The following QTMAN variants were observed in gnomAD, a reference collection of about 807,000 sequenced individuals.
QTMAN encodes tRNA-queuosine alpha-mannosyltransferase.
the QTMAN span, among the ~76,000 whole-genome samples, chr2:144,262,615 T>TGGG: frequency 8.7e-5 from 2 of 23,096 alleles, no homozygotes; most frequent in African/African-American, 1.7e-4. Context: ...GGAGGGGAGA[T>TGGG]AGGAGAGGAA....
chr2:144,099,394 G>A, the QTMAN span, among the ~76,000 whole-genome samples: 3 of 152,198 alleles, frequency 2.0e-5, no homozygotes, highest in Non-Finnish European at 4.4e-5. Context: ...TAGGAAGAGA[G>A]TTGGAAAACA....
the QTMAN span, among the ~76,000 whole-genome samples, chr2:144,151,312 G>A: frequency 6.6e-6 from 1 of 151,874 alleles, no homozygotes; most frequent in Non-Finnish European, 1.5e-5. Flanking sequence ...TCCAACTAGG[G>A]CATGATTTTT....
chr2:144,278,153 C>T, the QTMAN span, among the ~76,000 whole-genome samples: 1 of 152,162 alleles, frequency 6.6e-6, no homozygotes, highest in Non-Finnish European at 1.5e-5. Flanking sequence ...GGCTGCAGCT[C>T]ACTTAGTAAG....
the QTMAN span, among the ~76,000 whole-genome samples, chr2:144,217,796 TA>T: frequency 6.6e-6 from 1 of 151,646 alleles, no homozygotes; most frequent in South Asian, 2.1e-4. Flanking sequence ...AGGTTTGGAG[TA>T]GAAGGTGAAG....
chr2:143,980,439 A>G, the QTMAN span, among the ~76,000 whole-genome samples: 17 of 152,308 alleles, frequency 1.1e-4, no homozygotes, highest in African/African-American at 3.8e-4. Flanking sequence ...GGCAGAGGTC[A>G]TGTTGTTGTT....
At chr2:144,300,959 T>C in the QTMAN span, among the ~76,000 whole-genome samples, 1 of 152,334 alleles carries the variant, frequency 6.6e-6, no homozygotes, top group African/African-American at 2.4e-5. Flanking sequence ...TGCAAGTTTT[T>C]ACTCTGAGGC....
the QTMAN span, chr2:144,007,680 A>T: frequency 3.4e-6 from 2 of 582,338 alleles, no homozygotes; most frequent in Non-Finnish European, 5.7e-6. Context: ...AAAAGTGTAA[A>T]AAGTAGTAGC....
chr2:144,289,596 T>C, the QTMAN span, among the ~76,000 whole-genome samples: 66 of 152,188 alleles, frequency 4.3e-4, no homozygotes, highest in Admixed American at 1.8e-3. Flanking sequence ...GGGGAGAAAA[T>C]AGCTGTTTAA....
the QTMAN span, among the ~76,000 whole-genome samples, chr2:144,088,083 G>T: frequency 1.3e-4 from 19 of 151,960 alleles, no homozygotes; most frequent in African/African-American, 4.6e-4. Context: ...ACCTCTATTA[G>T]ATAAATGAAT....
the QTMAN span, among the ~76,000 whole-genome samples, chr2:143,982,853 C>CAAA: frequency 5.3e-4 from 32 of 60,882 alleles, no homozygotes; most frequent in South Asian, 2.1e-3. Flanking sequence ...GACTCTGTCT[C>CAAA]AAAAAAAAAA....
chr2:144,197,911 A>T, the QTMAN span, among the ~76,000 whole-genome samples: 1 of 152,096 alleles, frequency 6.6e-6, no homozygotes, highest in Non-Finnish European at 1.5e-5. Context: ...TGTCTGAAAA[A>T]GCATCATTTC....
chr2:144,039,544 T>A, the QTMAN span, among the ~76,000 whole-genome samples: 1 of 152,180 alleles, frequency 6.6e-6, no homozygotes, highest in Admixed American at 6.5e-5. Flanking sequence ...GTGAACTATA[T>A]TCTGTGGCAA....
chr2:143,957,273 T>C, the QTMAN span: 1 of 1,612,766 alleles, frequency 6.2e-7, no homozygotes, highest in Middle Eastern at 1.7e-4. Flanking sequence ...ATAGTCATCT[T>C]TGCTGGGTAA....
chr2:144,128,698 T>C, the QTMAN span, among the ~76,000 whole-genome samples: 4 of 151,960 alleles, frequency 2.6e-5, no homozygotes, highest in African/African-American at 9.7e-5. Flanking sequence ...AGCTATCAGA[T>C]AACAGATTTG....
At chr2:144,040,540 C>T in the QTMAN span, among the ~76,000 whole-genome samples, 2 of 152,030 alleles carry the variant, frequency 1.3e-5, no homozygotes, top group African/African-American at 4.8e-5. Flanking sequence ...TGCTAGTGAG[C>T]TATATACGTC....
the QTMAN span, among the ~76,000 whole-genome samples, chr2:144,031,270 T>C: frequency 6.6e-6 from 1 of 151,834 alleles, no homozygotes; most frequent in Non-Finnish European, 1.5e-5. Flanking sequence ...AGGACGAAAA[T>C]TCAAGGGCTT....
At chr2:144,286,573 AG>A in the QTMAN span, among the ~76,000 whole-genome samples, 1 of 152,226 alleles carries the variant, frequency 6.6e-6, no homozygotes, top group African/African-American at 2.4e-5. Context: ...CATCTTTTCA[AG>A]GGTGAGTTCT....
the QTMAN span, among the ~76,000 whole-genome samples, chr2:144,164,081 C>T: frequency 6.6e-6 from 1 of 152,050 alleles, no homozygotes; most frequent in South Asian, 2.1e-4. Context: ...CGCCACTATG[C>T]CTGGCTAATT....
chr2:144,032,446 C>A, the QTMAN span, among the ~76,000 whole-genome samples: 1 of 152,154 alleles, frequency 6.6e-6, no homozygotes, highest in South Asian at 2.1e-4. Flanking sequence ...AAAATGAAAA[C>A]TTTGTTCCAA....
Sources: gnomAD v4.1 joint callset for allele counts (sites outside exome capture counted in the v4.1 genomes callset) on GRCh38, gnomAD v4.1.1 for gene constraint, MANE v1.5 for transcripts, NCBI Gene and HGNC (gene_info 2026-07-23, HGNC 2026-07-21) for gene names.